The following FGGY variants were observed in gnomAD, a reference collection of about 807,000 sequenced individuals.
FGGY encodes FGGY carbohydrate kinase domain containing.
Under a neutral mutation model 71.3 loss-of-function variants are expected in FGGY, and 72 were observed. The ratio of observed to expected loss-of-function variants is 1.01; its 90% CI spans 0.84 to 1.23. The LOEUF is 1.23. Ranked by LOEUF, FGGY falls within the 50% of genes most tolerant of loss-of-function variation. FGGY has a pLI of 0.00. For missense variants in FGGY, 668 were observed against 682.3 expected, an observed-to-expected ratio of 0.98 and a Z score of 0.23; for synonymous variants, 251 against 250.3, an observed-to-expected ratio of 1.00 and a Z score of -0.02.
chr1:59,598,016 G>A (rs923495511), intron 8 of FGGY, among the ~76,000 whole-genome samples: 2 of 152,288 alleles, frequency 1.3e-5, no homozygotes, highest in Admixed American at 6.5e-5. Context: ...GATGGAGCAC[G>A]CTACCTCCTC....
intron 15 of FGGY, among the ~76,000 whole-genome samples, chr1:59,759,010 A>G (rs1305436295): frequency 2.0e-5 from 3 of 152,150 alleles, no homozygotes; most frequent in African/African-American, 4.8e-5. Context: ...TCCAGATAAA[A>G]GGCTTTTTCA....
chr1:59,510,677 T>G (rs1307039779), intron 6 of FGGY, among the ~76,000 whole-genome samples: 1 of 152,250 alleles, frequency 6.6e-6, no homozygotes, highest in Non-Finnish European at 1.5e-5. Context: ...TTAATGTATC[T>G]TATTTAACTT....
chr1:59,296,618 C>G (rs769634946), upstream of FGGY: 1 of 152,520 alleles, frequency 6.6e-6, no homozygotes, highest in Non-Finnish European at 1.5e-5. Flanking sequence ...AATCCCACGC[C>G]CGGTTCAAAG....
At chr1:59,347,219 T>A (rs996739713) in intron 4 of FGGY, among the ~76,000 whole-genome samples, 2 of 151,214 alleles carry the variant, frequency 1.3e-5, no homozygotes, top group Non-Finnish European at 3.0e-5. Flanking sequence ...TAACATTAGG[T>A]ATATCTTCTA....
At chr1:59,678,416 AG>A (rs1468994383) in intron 14 of FGGY, among the ~76,000 whole-genome samples, 1 of 152,214 alleles carries the variant, frequency 6.6e-6, no homozygotes, top group Non-Finnish European at 1.5e-5. Context: ...ACACTTCTCT[AG>A]GCTCCCAGGT....
chr1:59,333,901 A>AAG (rs1430292460), intron 2 of FGGY, among the ~76,000 whole-genome samples: 2 of 152,230 alleles, frequency 1.3e-5, no homozygotes, highest in Non-Finnish European at 2.9e-5. Context: ...TACTACCAGC[A>AAG]GTCACAGATG....
chr1:59,559,785 C>A (rs945133042), intron 8 of FGGY, among the ~76,000 whole-genome samples: 1 of 152,020 alleles, frequency 6.6e-6, no homozygotes, highest in East Asian at 1.9e-4. Flanking sequence ...AAAACTGGAA[C>A]AATTTAAGCA....
At chr1:59,330,706 G>A (rs2048311307) in intron 2 of FGGY, among the ~76,000 whole-genome samples, 1 of 152,156 alleles carries the variant, frequency 6.6e-6, no homozygotes, top group South Asian at 2.1e-4. Flanking sequence ...GGAATAGAAT[G>A]GTCAGAAGCG....
chr1:59,511,259 C>A (rs918389779), intron 6 of FGGY, among the ~76,000 whole-genome samples: 67 of 152,216 alleles, frequency 4.4e-4, no homozygotes, highest in African/African-American at 1.6e-3. Flanking sequence ...TCACCTCTAC[C>A]CCCAGAGGTC....
intron 8 of FGGY, among the ~76,000 whole-genome samples, chr1:59,576,437 A>G (rs1259742377): frequency 2.0e-5 from 3 of 152,004 alleles, no homozygotes; most frequent in Non-Finnish European, 4.4e-5. Flanking sequence ...CATTAGGACA[A>G]ATGCCTAATG....
chr1:59,648,643 A>C (rs1386525183), intron 11 of FGGY, among the ~76,000 whole-genome samples: 1 of 149,604 alleles, frequency 6.7e-6, no homozygotes, highest in Non-Finnish European at 1.5e-5. Context: ...TAGATTCTGG[A>C]TATTAGCCCT....
chr1:59,697,715 G>T, intron 14 of FGGY: 1 of 1,302,122 alleles, frequency 7.7e-7, no homozygotes, highest in Non-Finnish European at 1.0e-6. Context: ...GAAGAAATCA[G>T]ACTCTCTTCT....
chr1:59,369,052 A>G (rs2057073796), intron 4 of FGGY, among the ~76,000 whole-genome samples: 1 of 152,188 alleles, frequency 6.6e-6, no homozygotes, highest in Non-Finnish European at 1.5e-5. Flanking sequence ...GGAGTGCCAG[A>G]CAGTGGGCGC....
Position 59,762,497 on chromosome 1 carries a change from C to T in FGGY, c.1575-6C>T. The T allele has an allele frequency of 1.2e-6, 2 of 1,607,582 alleles. No individual in the cohort carries two copies. The highest frequency in any genetic ancestry group is 1.7e-6 in the Non-Finnish European group (2 of 1,174,812). On this transcript the variant is annotated splice_polypyrimidine_tract_variant and splice_region_variant and intron_variant, in intron 15 of 15. Coordinates refer to ENST00000303721, the MANE Select transcript of FGGY (RefSeq NM_018291.5). ...ATCATTCAACATATTTATATTTCTC[C>T]CACAGATACTATGATAAGAAATACC...
intron 5 of FGGY, among the ~76,000 whole-genome samples, chr1:59,428,645 TG>T (rs1215589004): frequency 1.3e-5 from 2 of 152,216 alleles, no homozygotes; most frequent in African/African-American, 4.8e-5. Flanking sequence ...ATTTGAGAAA[TG>T]GGGCTATAGC....
chr1:59,356,147 A>G (rs1570905049), intron 4 of FGGY, among the ~76,000 whole-genome samples: 1 of 151,912 alleles, frequency 6.6e-6, no homozygotes, highest in Non-Finnish European at 1.5e-5. Flanking sequence ...AGCCTGCTAC[A>G]CTCATTTCCT....
intron 7 of FGGY, among the ~76,000 whole-genome samples, chr1:59,546,303 G>T (rs920029342): frequency 6.6e-6 from 1 of 151,218 alleles, no homozygotes; most frequent in Non-Finnish European, 1.5e-5. Flanking sequence ...AAGCAGTCGA[G>T]TTCCAGTGCC....
intron 4 of FGGY, among the ~76,000 whole-genome samples, chr1:59,376,908 T>G (rs1322035398): frequency 6.6e-6 from 1 of 152,210 alleles, no homozygotes; most frequent in African/African-American, 2.4e-5. Flanking sequence ...TCTTCAGGTG[T>G]TTGACAGAAA....
chr1:59,567,982 C>T lies in FGGY; in HGVS notation c.903+13755C>T, dbSNP rs180954160. On this transcript the variant is annotated intron_variant, in intron 8 of 15. Transcript: ENST00000303721. ...GTGTTCTAGCAGGTGCATCTGCACA[C>T]GCTTGTTTGAATTCTATGGAACCAG... 3.4e-4 allele frequency among the ~76,000 whole-genome samples: 52 copies of T among 151,776 alleles called. 1 individual carries two copies. The East Asian group carries it at 6.2e-3, about 18-fold the overall frequency.
Sources: gnomAD v4.1 joint callset for allele counts (sites outside exome capture counted in the v4.1 genomes callset) on GRCh38, gnomAD v4.1.1 for gene constraint, MANE v1.5 for transcripts, NCBI Gene and HGNC (gene_info 2026-07-23, HGNC 2026-07-21) for gene names.